LAMC2: variants seen among roughly 807,000 people sequenced by gnomAD.
LAMC2 encodes laminin subunit gamma 2, also known as laminin subunit gamma-2.
Under a neutral mutation model 140.2 loss-of-function variants are expected in LAMC2, and 97 were observed. The ratio of observed to expected loss-of-function variants is 0.69; its 90% CI spans 0.59 to 0.82. LAMC2 has a LOEUF of 0.82. Among genes scored for constraint, LAMC2 ranks in the 40% least tolerant of loss-of-function variants. The pLI is 0.00. For synonymous variants in LAMC2, 513 were observed against 540.2 expected (o/e 0.95, Z 0.70); for missense variants, 1,402 against 1,476.1 (o/e 0.95, Z 0.82).
intron 13 of LAMC2, 70 bp from the exon 14 acceptor site, chr1:183,232,582 C>G: frequency 7.2e-7 from 1 of 1,394,168 alleles, no homozygotes; most frequent in Non-Finnish European, 1.0e-6. Context: ...CCAGTCAACC[C>G]TCCGTTATGT....
chr1:183,253,426 T>C, the LAMC2 span, among the ~76,000 whole-genome samples: 1 of 151,542 alleles, frequency 6.6e-6, no homozygotes, highest in Non-Finnish European at 1.5e-5. Context: ...ATGTATTTGT[T>C]CTTCTTGTGG....
chr1:183,240,791 G>A (rs542544211), intron 22 of LAMC2: 536 of 680,014 alleles, frequency 7.9e-4, no homozygotes, highest in South Asian at 2.1e-3. Flanking sequence ...TAGGGCAGCC[G>A]AGTGGAGGAA....
chr1:183,240,494 C>T, intron 22 of LAMC2, 103 bp downstream of exon 22: 1 of 1,524,938 alleles, frequency 6.6e-7, no homozygotes, highest in Non-Finnish European at 8.8e-7. Flanking sequence ...CTCAGCTTTC[C>T]TTAAGGATAT....
rs1401260562 is a variant in LAMC2, at chr1:183,244,287, T to G, written c.*887T>G. On this transcript the variant is annotated 3_prime_UTR_variant, in exon 23 of 23. Coordinates refer to ENST00000264144, the MANE Select transcript of LAMC2 (RefSeq NM_005562.3). ...CCAAAAATGATGCGCATCAATGTATTTTATCTTATTTTCTCAATCTCCTCT... is the reference window on the plus strand; with the variant it reads ...CCAAAAATGATGCGCATCAATGTATGTTATCTTATTTTCTCAATCTCCTCT... The G allele has an allele frequency of 6.6e-6, 1 of 152,152 alleles. No individual in the cohort carries two copies. Among genetic ancestry groups the G allele is most frequent in the Non-Finnish European group, 1.5e-5 (1 of 68,026 alleles). 9.4% of individuals were successfully genotyped at this position (152,152 alleles called of 1,614,324 possible).
At chr1:183,235,449 A>T in intron 15 of LAMC2, 126 bp from the exon 16 acceptor site, 1 of 1,013,512 alleles carries the variant, frequency 9.9e-7, no homozygotes, top group Non-Finnish European at 1.5e-6. Context: ...ATGTAATTTG[A>T]GTCAGTTCTG....
intron 1 of LAMC2, among the ~76,000 whole-genome samples, chr1:183,190,227 T>C (rs1260366372): frequency 1.3e-5 from 2 of 152,226 alleles, no homozygotes; most frequent in Non-Finnish European, 2.9e-5. Flanking sequence ...CATTGCCTGG[T>C]AAGCACTTAA....
chr1:183,241,433 G>A (rs630468), intron 22 of LAMC2, among the ~76,000 whole-genome samples: 5,559 of 152,128 alleles, frequency 0.037, 349 homozygotes, highest in African/African-American at 0.13. Flanking sequence ...ATGGCACAGC[G>A]TGGAAGAAAA....
chr1:183,191,298 A>G lies in LAMC2; in HGVS notation c.79+4867A>G, dbSNP rs546134027. 9.2e-5 allele frequency among the ~76,000 whole-genome samples: 14 copies of G among 152,262 alleles called. No individual in the cohort carries two copies. In the South Asian group the frequency reaches 2.9e-3, roughly 32 times the overall value. On this transcript the variant is annotated intron_variant, in intron 1 of 22. Coordinates refer to ENST00000264144, the MANE Select transcript of LAMC2 (RefSeq NM_005562.3). ...GGTTGGAGGTGGGCTGGAAATTCCC[A>G]TATGGGCTTAAATTCTGGGTGTTCT... is the stretch of plus-strand genomic sequence containing the variant.
chr1:183,224,291 A>G (rs1659562346), intron 7 of LAMC2, among the ~76,000 whole-genome samples: 1 of 152,196 alleles, frequency 6.6e-6, no homozygotes, highest in Non-Finnish European at 1.5e-5. Flanking sequence ...AGCAATATTT[A>G]TAGCTGGAAT....
the LAMC2 span, among the ~76,000 whole-genome samples, chr1:183,253,724 C>T: frequency 6.6e-6 from 1 of 152,166 alleles, no homozygotes; most frequent in South Asian, 2.1e-4. Context: ...CCACACTTGA[C>T]CCTGGTAATC....
At chr1:183,247,406 C>A (rs1660261661), downstream of LAMC2, among the ~76,000 whole-genome samples, 1 of 151,926 alleles carries the variant, frequency 6.6e-6, no homozygotes, top group Non-Finnish European at 1.5e-5. Context: ...CAGTGTTTAG[C>A]TTTGTGAACA....
intron 7 of LAMC2, among the ~76,000 whole-genome samples, chr1:183,224,673 TACACACACAC>T (rs3064952): frequency 3.4e-5 from 5 of 147,886 alleles, no homozygotes; most frequent in South Asian, 4.4e-4. Flanking sequence ...GTTCTAATGA[TACACACACAC>T]ACACACACAC....
chr1:183,195,511 C>T (rs1242035478), intron 1 of LAMC2, among the ~76,000 whole-genome samples: 1 of 152,202 alleles, frequency 6.6e-6, no homozygotes. Context: ...CTAGCACTTC[C>T]TGCCTCAGCC....
At chr1:183,247,185 G>A (rs150130323), downstream of LAMC2, among the ~76,000 whole-genome samples, 772 of 152,200 alleles carry the variant, frequency 5.1e-3, 5 homozygotes, top group Non-Finnish European at 8.8e-3. Flanking sequence ...GGTGGCAGGC[G>A]CCTGTAATCC....
intron 18 of LAMC2, among the ~76,000 whole-genome samples, chr1:183,237,861 G>A (rs1008447259): frequency 2.0e-5 from 3 of 152,184 alleles, no homozygotes; most frequent in Non-Finnish European, 4.4e-5. Context: ...ACTCCAGCCT[G>A]GGTGACAGAG....
intron 5 of LAMC2, 49 bp from the exon 6 acceptor site, chr1:183,222,040 T>G: frequency 6.2e-7 from 1 of 1,613,054 alleles, no homozygotes; most frequent in Non-Finnish European, 8.5e-7. Context: ...TTTAACTTAA[T>G]AGATGATGAG....
At chr1:183,213,418 C>T (rs1659132771) in intron 2 of LAMC2, among the ~76,000 whole-genome samples, 1 of 152,148 alleles carries the variant, frequency 6.6e-6, no homozygotes, top group South Asian at 2.1e-4. Context: ...TAAAAGTTCA[C>T]AGAAAGATAA....
chr1:183,211,790 G>A (rs1488881170), intron 2 of LAMC2, among the ~76,000 whole-genome samples: 1 of 152,190 alleles, frequency 6.6e-6, no homozygotes, highest in East Asian at 1.9e-4. Context: ...TTACAAGCAT[G>A]AGCCACCATG....
At chr1:183,206,651 C>CA (rs34536054) in intron 1 of LAMC2, among the ~76,000 whole-genome samples, 25,079 of 125,874 alleles carry the variant, frequency 0.2, 2,573 homozygotes, top group South Asian at 0.33. Context: ...GACTTGGTCT[C>CA]AAAAAAAAAA....
Sources: gnomAD v4.1 joint callset for allele counts (sites outside exome capture counted in the v4.1 genomes callset) on GRCh38, gnomAD v4.1.1 for gene constraint, MANE v1.5 for transcripts, NCBI Gene and HGNC (gene_info 2026-07-23, HGNC 2026-07-21) for gene names.